Variants in PER2 observed in about 807,000 individuals in gnomAD.
The protein encoded by PER2 is period circadian regulator 2, also known as period circadian protein homolog 2.
In PER2, 66 loss-of-function variants were observed where a neutral mutation model predicts 121.0. The ratio of observed to expected loss-of-function variants is 0.55; its 90% CI spans 0.45 to 0.67. PER2 has a LOEUF of 0.67. Among genes scored for constraint, PER2 ranks in the 30% least tolerant of loss-of-function variants. The pLI, the probability that PER2 is intolerant of heterozygous loss-of-function variation, is 0.00. For missense variants in PER2, 1,521 were observed against 1,635.0 expected, an observed-to-expected ratio of 0.93 and a Z score of 1.20; for synonymous variants, 684 against 659.9, an observed-to-expected ratio of 1.04 and a Z score of -0.56.
intron 6 of PER2, among the ~76,000 whole-genome samples, chr2:238,269,520 C>G (rs1574853169): frequency 7.4e-6 from 1 of 135,982 alleles, no homozygotes; most frequent in African/African-American, 3.1e-5. Flanking sequence ...TGCAACTGAA[C>G]ACACTCACGG....
intron 11 of PER2, 53 bp from the exon 12 acceptor site, chr2:238,261,890 T>C: frequency 8.0e-7 from 1 of 1,256,224 alleles, no homozygotes; most frequent in Non-Finnish European, 1.1e-6. Context: ...AGGACCTCTC[T>C]GGCGTGACTG....
intron 6 of PER2, among the ~76,000 whole-genome samples, chr2:238,271,107 G>A (rs541302617): frequency 6.4e-4 from 98 of 152,356 alleles, no homozygotes; most frequent in African/African-American, 2.1e-3. Context: ...TGAAATGTAT[G>A]GAAAGACTAT....
At position 238,260,928 on chromosome 2, in the gene PER2, C is replaced by T; in HGVS notation, c.1442G>A (p.Gly481Asp). 6.2e-7 allele frequency: 1 copy of T among 1,613,526 alleles called. No homozygotes were observed. Among genetic ancestry groups the T allele is most frequent in the Non-Finnish European group, 8.5e-7 (1 of 1,180,020 alleles). ...LQPVPHSGSS[G>D]YGSLGSNGSH... ...CCCGTTGCTGCCCAGACTCCCGTAG[C>T]CACTGGAGCCGCTGTGGGGGACGGG... Residue 481 changes from glycine (G) to aspartate (D), a missense_variant, in exon 13 of 23, where the codon GGC (glycine) becomes GAC (aspartate). By Grantham distance (94) the Gly-to-Asp change is moderately conservative. Transcript: ENST00000254657.
chr2:238,280,674 G>GGAGAA (rs1696602301), intron 1 of PER2, among the ~76,000 whole-genome samples: 1 of 152,188 alleles, frequency 6.6e-6, no homozygotes, highest in African/African-American at 2.4e-5. Flanking sequence ...CAAAGGGAAA[G>GGAGAA]GAGAAGAGAA....
rs541528854 is a variant in PER2, at chr2:238,252,940, C to G, written c.3083G>C (p.Arg1028Pro). The G allele has an allele frequency of 3.1e-4, 494 of 1,613,824 alleles. 4 individuals carry two copies. In the South Asian group the frequency reaches 5.1e-3, roughly 17 times the overall value. Reference protein sequence around the residue: ...VGADCKPGTSRDQQPKAPLTR... With the variant: ...VGADCKPGTSPDQQPKAPLTR... Reference sequence around the variant, plus strand: ...CAGAGGCGCCTTCGGCTGCTGGTCCCGAGAAGTGCCAGGTTTGCAGTCCGC... The same window carrying G: ...CAGAGGCGCCTTCGGCTGCTGGTCCGGAGAAGTGCCAGGTTTGCAGTCCGC... The change falls in exon 19 of 23, where the codon CGG becomes CCG. Residue 1028 changes from arginine to proline, a missense_variant. By Grantham distance (103) the Arg-to-Pro change is moderately radical (BLOSUM62 -2). Coordinates refer to ENST00000254657, the MANE Select transcript of PER2 (RefSeq NM_022817.3). The surrounding 1 kb of genome is among the most constrained non-coding windows in gnomAD (Gnocchi z 4.2).
At chr2:238,267,644 G>A (rs1696150462) in intron 8 of PER2, among the ~76,000 whole-genome samples, 1 of 152,202 alleles carries the variant, frequency 6.6e-6, no homozygotes, top group Non-Finnish European at 1.5e-5. Flanking sequence ...TTGGGGTTCT[G>A]GAGCAGGCAG....
Position 238,265,592 on chromosome 2 carries a change from T to TG in PER2, c.968-3dup. Reference sequence around the variant, plus strand: ...TCTTTTCAGGAGGAATTCTAGGGGCTGAAAGAACAGAATATTGCACACATT... The same window carrying TG: ...TCTTTTCAGGAGGAATTCTAGGGGCTGGAAAGAACAGAATATTGCACACATT... On this transcript the variant is annotated splice_polypyrimidine_tract_variant and splice_region_variant and intron_variant, in intron 8 of 22. Coordinates refer to ENST00000254657, the MANE Select transcript of PER2 (RefSeq NM_022817.3). 1 of 1,559,128 alleles carries TG rather than the reference T, an allele frequency of 6.4e-7. No homozygotes were observed. The highest frequency in any genetic ancestry group is 2.2e-5 in the East Asian group (1 of 44,568).
In PER2 at chr2:238,277,837, T is replaced by C; in HGVS notation, c.100A>G (p.Met34Val). The C allele has an allele frequency of 6.2e-7, 1 of 1,614,230 alleles. No individual in the cohort carries two copies. Among genetic ancestry groups the C allele is most frequent in the Non-Finnish European group, 8.5e-7 (1 of 1,180,040 alleles). The change falls in exon 2 of 23, where the codon ATG becomes GTG. Residue 34 changes from methionine (M) to valine (V), a missense_variant. Coordinates refer to ENST00000254657, the MANE Select transcript of PER2 (RefSeq NM_022817.3). ...TCATGTCCACTGGAGCCACTGCTCA[T>C]GTCCACATCTTCCTGCAGTGGGACC... ...SQVPLQEDVD[M>V]SSGSSGHETN...
At chr2:238,282,522 A>C (rs1696660426) in intron 1 of PER2, among the ~76,000 whole-genome samples, 1 of 152,358 alleles carries the variant, frequency 6.6e-6, no homozygotes, top group African/African-American at 2.4e-5. Context: ...CACTAAAAGG[A>C]TAGAGGCCAG....
At chr2:238,278,004 G>A (rs1440356424) in intron 1 of PER2, 49 bp from the exon 2 acceptor site, 7 of 1,576,976 alleles carry the variant, frequency 4.4e-6, no homozygotes, top group Non-Finnish European at 6.0e-6. Context: ...CACGCACAAG[G>A]GGCGCTGCAG....
chr2:238,294,398 A>G (rs1697010346), upstream of PER2, among the ~76,000 whole-genome samples: 1 of 152,212 alleles, frequency 6.6e-6, no homozygotes, highest in Non-Finnish European at 1.5e-5. Context: ...GCCTGCTGTC[A>G]TTAGGGTCCC....
At chr2:238,273,232 C>T (rs368683909) in intron 4 of PER2, 41 bp from the exon 5 acceptor site, 119 of 1,605,290 alleles carry the variant, frequency 7.4e-5, no homozygotes, top group Non-Finnish European at 9.3e-5. Context: ...CAGAACCCAG[C>T]GCTTGGCCGG....
At chr2:238,258,707 A>G (rs1695837725) in intron 14 of PER2, 63 bp from the exon 15 acceptor site, 2 of 1,555,606 alleles carry the variant, frequency 1.3e-6, no homozygotes, top group East Asian at 2.2e-5. Flanking sequence ...CTGTGTATTT[A>G]CAAAGCATTT....
chr2:238,268,718 G>A lies in PER2; in HGVS notation c.824+205C>T, dbSNP rs1181222854. Among the ~76,000 whole-genome samples the A allele has an allele frequency of 6.6e-6, 1 of 152,242 alleles. No individual in the cohort carries two copies. Among genetic ancestry groups the A allele is most frequent in the Non-Finnish European group, 1.5e-5 (1 of 68,040 alleles). On this transcript the variant is annotated intron_variant, in intron 7 of 22. Coordinates refer to ENST00000254657, the MANE Select transcript of PER2 (RefSeq NM_022817.3). This position sits in a 1 kb window ranked among gnomAD's most constrained non-coding sequence, Gnocchi z 4.0. ...AGAAAGTGCAGGTCCATGAGGGGCA[G>A]GTTAAAGCACTCCACTGCTGGCCGC...
chr2:238,271,912 C>A (rs570009212), intron 5 of PER2, among the ~76,000 whole-genome samples: 2 of 152,182 alleles, frequency 1.3e-5, no homozygotes, highest in African/African-American at 4.8e-5. Flanking sequence ...GATAACCTCC[C>A]CTCCTCCCAG....
chr2:238,262,379 G>C, intron 10 of PER2, 35 bp from the exon 11 acceptor site: 1 of 1,610,090 alleles, frequency 6.2e-7, no homozygotes, highest in African/African-American at 1.3e-5. Flanking sequence ...AGGGGAAAAG[G>C]GGAGCAAACA....
At chr2:238,297,220 G>A in the PER2 span, among the ~76,000 whole-genome samples, 1 of 152,190 alleles carries the variant, frequency 6.6e-6, no homozygotes, top group South Asian at 2.1e-4. Flanking sequence ...GAAGGCGAGA[G>A]GACCAGGAGA....
upstream of PER2, among the ~76,000 whole-genome samples, chr2:238,292,022 A>G (rs1696958822): frequency 6.6e-6 from 1 of 152,196 alleles, no homozygotes; most frequent in Non-Finnish European, 1.5e-5. Flanking sequence ...GCCAGGCATG[A>G]TGGCATGTTC....
Position 238,257,085 on chromosome 2 carries a change from C to A in PER2, c.1902G>T (p.Glu634Asp). The A allele has an allele frequency of 1.2e-6, 2 of 1,611,598 alleles. No homozygotes were observed. Among genetic ancestry groups the A allele is most frequent in the Non-Finnish European group, 1.7e-6 (2 of 1,179,870 alleles). ...TGTTCACCCTGGAGGGCGGCTCTGC[C>A]TCTTCATGAGAGGAAGGGGGAACAA... is the stretch of plus-strand genomic sequence containing the variant. ...ATVSPGPHAG[E>D]AEPPSRVNSR... The change falls in exon 17 of 23, where the codon GAG (glutamate) becomes GAT (aspartate). Residue 634 changes from glutamate (E) to aspartate (D), a missense_variant and splice_region_variant. By Grantham distance (45) the Glu-to-Asp change is conservative. Coordinates refer to ENST00000254657, the MANE Select transcript of PER2 (RefSeq NM_022817.3).
Sources: gnomAD v4.1 joint callset for allele counts (sites outside exome capture counted in the v4.1 genomes callset) on GRCh38, gnomAD v4.1.1 for gene constraint, Gnocchi (gnomAD v3.1) non-coding constraint, MANE v1.5 for transcripts, NCBI Gene and HGNC (gene_info 2026-07-23, HGNC 2026-07-21) for gene names.